Variants in NALF1 observed in about 807,000 individuals in gnomAD.
The protein encoded by NALF1 is NALCN channel auxiliary factor 1.
A neutral mutation model predicts 48.4 loss-of-function variants in NALF1; 3 were observed. The observed-to-expected ratio is 0.06, with a 90% CI of 0.03 to 0.16. NALF1 has a LOEUF of 0.16. Ranked by LOEUF, NALF1 falls within the 10% of genes least tolerant of loss-of-function variation. NALF1 has a pLI of 1.00. For synonymous variants in NALF1, 262 were observed against 245.7 expected, an observed-to-expected ratio of 1.07 and a Z score of -0.62; for missense variants, 526 against 571.5, an observed-to-expected ratio of 0.92 and a Z score of 0.81.
intron 1 of NALF1, among the ~76,000 whole-genome samples, chr13:107,712,686 T>C (rs992050135): frequency 6.6e-6 from 1 of 152,160 alleles, no homozygotes; most frequent in African/African-American, 2.4e-5. Context: ...AATTTTCCTG[T>C]AGCATGTGCT....
chr13:107,226,350 A>T (rs1880107568), intron 1 of NALF1, among the ~76,000 whole-genome samples: 1 of 152,154 alleles, frequency 6.6e-6, no homozygotes, highest in South Asian at 2.1e-4. Flanking sequence ...TATCTTTTAC[A>T]TTTTTCAGCG....
chr13:107,522,764 C>T (rs897224965), intron 1 of NALF1, among the ~76,000 whole-genome samples: 2 of 151,608 alleles, frequency 1.3e-5, no homozygotes, highest in East Asian at 3.9e-4. Flanking sequence ...ACACCATGCT[C>T]GACTAATTTT....
intron 1 of NALF1, among the ~76,000 whole-genome samples, chr13:107,354,641 T>C (rs1882931097): frequency 6.6e-6 from 1 of 152,182 alleles, no homozygotes; most frequent in Non-Finnish European, 1.5e-5. Context: ...TCAACATGCA[T>C]CTTCTTTGGA....
intron 1 of NALF1, among the ~76,000 whole-genome samples, chr13:107,337,061 AAAAAAAAAAAAAAAAAT>A (rs1463543578): frequency 5.5e-4 from 81 of 147,922 alleles, no homozygotes; most frequent in Non-Finnish European, 7.9e-4. Flanking sequence ...AAAAAAAAAA[AAAAAAAAAAAAAAAAAT>A]GTCAGAAGAA....
At chr13:107,426,652 T>C (rs924949007) in intron 1 of NALF1, among the ~76,000 whole-genome samples, 1 of 152,192 alleles carries the variant, frequency 6.6e-6, no homozygotes, top group East Asian at 1.9e-4. Context: ...GTGGCCTCCA[T>C]AAATTGCTTG....
At chr13:107,709,471 A>G (rs976278687) in intron 1 of NALF1, among the ~76,000 whole-genome samples, 1 of 152,164 alleles carries the variant, frequency 6.6e-6, no homozygotes, top group African/African-American at 2.4e-5. Flanking sequence ...AAAGCTTTCA[A>G]CTCATTGCAT....
At chr13:107,761,716 A>G (rs1015905389) in intron 1 of NALF1, among the ~76,000 whole-genome samples, 2 of 152,214 alleles carry the variant, frequency 1.3e-5, no homozygotes, top group Non-Finnish European at 2.9e-5. Flanking sequence ...ATAAATAAGG[A>G]AGTGGGGTTC....
intron 1 of NALF1, among the ~76,000 whole-genome samples, chr13:107,817,204 AAT>A (rs747110229): frequency 2.6e-5 from 4 of 152,238 alleles, no homozygotes; most frequent in Non-Finnish European, 4.4e-5. Flanking sequence ...GGTTATCTAA[AAT>A]ATATGTCACT....
intron 1 of NALF1, among the ~76,000 whole-genome samples, chr13:107,326,233 C>T (rs994460094): frequency 2.0e-5 from 3 of 151,756 alleles, no homozygotes; most frequent in African/African-American, 7.3e-5. Context: ...TCTTAGTGCA[C>T]CTGAAGCAAA....
At chr13:107,496,699 T>C (rs1029481543) in intron 1 of NALF1, among the ~76,000 whole-genome samples, 1 of 152,010 alleles carries the variant, frequency 6.6e-6, no homozygotes, top group Admixed American at 6.6e-5. Flanking sequence ...AAGAAAGAGG[T>C]TTATTGGACT....
intron 1 of NALF1, among the ~76,000 whole-genome samples, chr13:107,735,600 T>C (rs1033198290): frequency 6.6e-6 from 1 of 152,200 alleles, no homozygotes; most frequent in African/African-American, 2.4e-5. Flanking sequence ...AGAAATGTGA[T>C]ATCCGTACGA....
chr13:107,320,307 T>C (rs1428373448), intron 1 of NALF1, among the ~76,000 whole-genome samples: 1 of 152,130 alleles, frequency 6.6e-6, no homozygotes, highest in Non-Finnish European at 1.5e-5. Flanking sequence ...ATTATTTCCT[T>C]AGTTTCTCCC....
At chr13:107,387,496 C>T (rs1459671228) in intron 1 of NALF1, among the ~76,000 whole-genome samples, 1 of 152,020 alleles carries the variant, frequency 6.6e-6, no homozygotes, top group Non-Finnish European at 1.5e-5. Context: ...CTGTCTTGTT[C>T]AATTGAAAGC....
intron 1 of NALF1, among the ~76,000 whole-genome samples, chr13:107,754,549 G>A (rs946078959): frequency 2.6e-5 from 4 of 151,868 alleles, no homozygotes; most frequent in African/African-American, 9.7e-5. Flanking sequence ...ATCACTAGAT[G>A]GTTTTTTTTT....
chr13:107,535,374 A>G (rs1376076938), intron 1 of NALF1, among the ~76,000 whole-genome samples: 2 of 152,066 alleles, frequency 1.3e-5, no homozygotes, highest in African/African-American at 4.8e-5. Context: ...TAATTTCTTG[A>G]GAGTTTTTAG....
chr13:107,581,948 G>T (rs970893686), intron 1 of NALF1, among the ~76,000 whole-genome samples: 1 of 152,034 alleles, frequency 6.6e-6, no homozygotes, highest in Non-Finnish European at 1.5e-5. Context: ...TCCCACAAAA[G>T]ATGCCTTTGG....
At chr13:107,837,500 T>C (rs1041974475) in intron 1 of NALF1, among the ~76,000 whole-genome samples, 6 of 152,166 alleles carry the variant, frequency 3.9e-5, no homozygotes, top group African/African-American at 1.4e-4. Context: ...AGAATTTTCC[T>C]TACGCATCTA....
intron 1 of NALF1, among the ~76,000 whole-genome samples, chr13:107,661,606 A>G (rs547980084): frequency 6.6e-6 from 1 of 152,306 alleles, no homozygotes; most frequent in South Asian, 2.1e-4. Context: ...AAGACATGCC[A>G]CATAACCTGA....
intron 1 of NALF1, among the ~76,000 whole-genome samples, chr13:107,692,047 A>G (rs1349101598): frequency 3.9e-5 from 6 of 152,196 alleles, no homozygotes; most frequent in African/African-American, 1.4e-4. Flanking sequence ...AAGCAAATAA[A>G]ATCTTACGGA....
Sources: allele counts gnomAD v4.1 joint callset (sites outside exome capture counted in the v4.1 genomes callset), GRCh38; gene constraint gnomAD v4.1.1; transcripts MANE v1.5; gene names NCBI Gene and HGNC (gene_info 2026-07-23, HGNC 2026-07-21).